CCDC138: variants seen among roughly 807,000 people sequenced by gnomAD.
The protein encoded by CCDC138 is coiled-coil domain containing 138, also known as coiled-coil domain-containing protein 138.
Under a neutral mutation model 82.3 loss-of-function variants are expected in CCDC138, and 66 were observed. The ratio of observed to expected loss-of-function variants is 0.80; its 90% CI spans 0.66 to 0.98. CCDC138 has a LOEUF of 0.98. CCDC138 is among the 50% of genes least tolerant of loss of function. CCDC138 has a pLI of 0.00. For synonymous variants in CCDC138, 297 were observed against 265.4 expected (o/e 1.12, Z -1.16); for missense variants, 816 against 758.9 (o/e 1.08, Z -0.88).
chr2:108,846,280 T>G (rs1035525300), intron 11 of CCDC138, among the ~76,000 whole-genome samples: 15 of 152,244 alleles, frequency 9.9e-5, no homozygotes, highest in African/African-American at 3.6e-4. Flanking sequence ...ACAAATAATT[T>G]TTTAAGTTGA....
intron 3 of CCDC138, among the ~76,000 whole-genome samples, chr2:108,790,241 G>GA (rs1679685436): frequency 6.6e-6 from 1 of 152,162 alleles, no homozygotes; most frequent in Non-Finnish European, 1.5e-5. Flanking sequence ...GTAGGGTAAG[G>GA]AAAGTGAAAA....
chr2:108,835,595 A>G (rs1465290464), intron 10 of CCDC138, among the ~76,000 whole-genome samples: 1 of 152,254 alleles, frequency 6.6e-6, no homozygotes, highest in Admixed American at 6.5e-5. Flanking sequence ...CAAGATTTGT[A>G]AATCTATTCA....
intron 1 of CCDC138, among the ~76,000 whole-genome samples, chr2:108,881,925 C>T (rs906245954): frequency 2.0e-5 from 3 of 152,126 alleles, no homozygotes; most frequent in Non-Finnish European, 2.9e-5. Context: ...TAGAGGATTG[C>T]TTGAGGCCAG....
chr2:108,846,668 C>G, intron 11 of CCDC138, 70 bp from the exon 12 acceptor site: 1 of 1,368,170 alleles, frequency 7.3e-7, no homozygotes, highest in Non-Finnish European at 1.0e-6. Flanking sequence ...CAGAGCAAGA[C>G]TGTGTCTCAA....
intron 14 of CCDC138, among the ~76,000 whole-genome samples, chr2:108,875,063 T>C (rs563231300): frequency 6.6e-6 from 1 of 152,122 alleles, no homozygotes; most frequent in East Asian, 1.9e-4. Context: ...CTGGGAATAG[T>C]TGATGCTCAA....
At chr2:108,812,759 C>T in intron 8 of CCDC138, 51 bp downstream of exon 8, 8 of 1,609,874 alleles carry the variant, frequency 5.0e-6, no homozygotes, top group Non-Finnish European at 5.9e-6. Flanking sequence ...TAGATGATTA[C>T]CTTTGAGTTT....
At chr2:108,790,076 T>A (rs1679649664) in intron 3 of CCDC138, among the ~76,000 whole-genome samples, 1 of 152,184 alleles carries the variant, frequency 6.6e-6, no homozygotes, top group Non-Finnish European at 1.5e-5. Flanking sequence ...CTTTCTCTAC[T>A]TAAATAAGTT....
chr2:108,842,461 G>A (rs1689663876), intron 11 of CCDC138, among the ~76,000 whole-genome samples: 1 of 152,104 alleles, frequency 6.6e-6, no homozygotes, highest in African/African-American at 2.4e-5. Context: ...GGGACCTGTG[G>A]GCAAGTGCCC....
At chr2:108,860,544 G>C (rs1220350546) in intron 13 of CCDC138, among the ~76,000 whole-genome samples, 2 of 151,272 alleles carry the variant, frequency 1.3e-5, no homozygotes, top group Non-Finnish European at 2.9e-5. Flanking sequence ...AGAGATGTTG[G>C]ATTTTATCTC....
At chr2:108,810,968 A>G (rs1454726260) in intron 7 of CCDC138, among the ~76,000 whole-genome samples, 2 of 152,068 alleles carry the variant, frequency 1.3e-5, no homozygotes, top group African/African-American at 4.8e-5. Flanking sequence ...TTGTTGGCAT[A>G]TAGTTGTTTC....
At chr2:108,862,996 A>G (rs986552809) in intron 13 of CCDC138, among the ~76,000 whole-genome samples, 2 of 152,048 alleles carry the variant, frequency 1.3e-5, no homozygotes, top group African/African-American at 2.4e-5. Flanking sequence ...TTTGGACTAT[A>G]CTCCAGGCAT....
chr2:108,867,026 GTTAA>G (rs918689070), intron 13 of CCDC138, among the ~76,000 whole-genome samples: 10 of 152,026 alleles, frequency 6.6e-5, no homozygotes, highest in African/African-American at 2.2e-4. Context: ...TTATTTTTAG[GTTAA>G]TTAAAGGGGA....
chr2:108,834,974 C>T (rs1001036109), intron 10 of CCDC138, among the ~76,000 whole-genome samples: 11 of 152,244 alleles, frequency 7.2e-5, no homozygotes, highest in African/African-American at 2.4e-4. Flanking sequence ...CAGTTGGCAG[C>T]TCTTCAATTG....
At chr2:108,787,131 TC>T (rs1166582646) in intron 1 of CCDC138, among the ~76,000 whole-genome samples, 1 of 152,216 alleles carries the variant, frequency 6.6e-6, no homozygotes, top group Non-Finnish European at 1.5e-5. Context: ...GCCTCTGTGT[TC>T]CTGGTATACT....
At chr2:108,812,988 A>G (rs1463027666) in intron 9 of CCDC138, 61 bp downstream of exon 9, 2 of 1,390,186 alleles carry the variant, frequency 1.4e-6, no homozygotes, top group Admixed American at 1.8e-5. Context: ...GGTGGCTCAC[A>G]CCTGTAATCC....
intron 10 of CCDC138, among the ~76,000 whole-genome samples, chr2:108,827,612 G>A (rs535062264): frequency 3.4e-4 from 52 of 150,848 alleles, no homozygotes; most frequent in Admixed American, 3.3e-4. Flanking sequence ...GTCAGGAGAC[G>A]GAGACTATCC....
intron 3 of CCDC138, among the ~76,000 whole-genome samples, chr2:108,791,145 AT>A (rs937263793): frequency 2.0e-5 from 3 of 151,756 alleles, no homozygotes; most frequent in African/African-American, 7.3e-5. Flanking sequence ...TTTAAAATTT[AT>A]TTTTTTAACG....
intron 7 of CCDC138, among the ~76,000 whole-genome samples, chr2:108,807,755 T>C (rs550234018): frequency 2.0e-5 from 3 of 152,186 alleles, no homozygotes; most frequent in African/African-American, 7.2e-5. Flanking sequence ...GTATCTGGGA[T>C]TACAGGCGCC....
At position 108,839,206 on chromosome 2, in the gene CCDC138, C is replaced by A. The variant is rs747287708; in HGVS notation, c.1228C>A (p.Gln410Lys). Residue 410 changes from glutamine to lysine, a missense_variant, in exon 11 of 15, where the codon CAG becomes AAG. By Grantham distance (53) the Gln-to-Lys change is moderately conservative. Transcript: ENST00000295124. Reference sequence around the variant, plus strand: ...TTAGCTTTTGCCTCTAATGACAGAGCAGCTACAGTGGATGCCATTTGTGAA... The same window carrying A: ...TTAGCTTTTGCCTCTAATGACAGAGAAGCTACAGTGGATGCCATTTGTGAA... Reference protein sequence around the residue: ...CVKLLPLMTEQLQWMPFVNIK... With the variant: ...CVKLLPLMTEKLQWMPFVNIK... 21 of 1,610,352 alleles carry A rather than the reference C, an allele frequency of 1.3e-5. No individual in the cohort carries two copies. The highest frequency in any genetic ancestry group is 1.4e-5 in the Non-Finnish European group (16 of 1,178,004).
Sources: allele counts gnomAD v4.1 joint callset (sites outside exome capture counted in the v4.1 genomes callset), GRCh38; gene constraint gnomAD v4.1.1; transcripts MANE v1.5; gene names NCBI Gene and HGNC (gene_info 2026-07-23, HGNC 2026-07-21).